TMEM132B: variants seen among roughly 807,000 people sequenced by gnomAD.
TMEM132B encodes transmembrane protein 132B.
Under a neutral mutation model 90.8 loss-of-function variants are expected in TMEM132B, and 18 were observed. The ratio of observed to expected loss-of-function variants is 0.20; its 90% CI spans 0.14 to 0.29. TMEM132B has a LOEUF of 0.29. Ranked by LOEUF, TMEM132B falls within the 10% of genes least tolerant of loss-of-function variation. The pLI is 1.00. For synonymous variants in TMEM132B, 504 were observed against 523.3 expected, an observed-to-expected ratio of 0.96 and a Z score of 0.50; for missense variants, 1,096 against 1,326.8, an observed-to-expected ratio of 0.83 and a Z score of 2.70.
intron 4 of TMEM132B, among the ~76,000 whole-genome samples, chr12:125,527,713 C>A (rs192748458): frequency 0.052 from 7,942 of 151,286 alleles, 610 homozygotes; most frequent in African/African-American, 0.17. Context: ...TCCATCCACC[C>A]ATCCACCCTT....
At chr12:125,373,448 A>G (rs1878365131) in intron 2 of TMEM132B, among the ~76,000 whole-genome samples, 1 of 152,222 alleles carries the variant, frequency 6.6e-6, no homozygotes, top group African/African-American at 2.4e-5. Context: ...GTGAAGACAC[A>G]GGAAGATGAT....
At chr12:125,628,469 T>G (rs1886285484) in intron 5 of TMEM132B, among the ~76,000 whole-genome samples, 1 of 152,208 alleles carries the variant, frequency 6.6e-6, no homozygotes, top group Non-Finnish European at 1.5e-5. Context: ...TATTCAAATA[T>G]TTTGTCCATG....
chr12:125,561,369 CAG>C (rs1323574919), intron 4 of TMEM132B, among the ~76,000 whole-genome samples: 5 of 142,006 alleles, frequency 3.5e-5, no homozygotes, highest in South Asian at 4.3e-4. Context: ...CGGGGCCTGT[CAG>C]GGGGTAGGGG....
At chr12:125,549,741 T>A (rs1884172972) in intron 4 of TMEM132B, among the ~76,000 whole-genome samples, 1 of 152,194 alleles carries the variant, frequency 6.6e-6, no homozygotes, top group African/African-American at 2.4e-5. Flanking sequence ...CTGCAGAAAT[T>A]AAGAATTGCA....
chr12:125,511,619 G>A (rs1222901314), intron 3 of TMEM132B, among the ~76,000 whole-genome samples: 2 of 151,950 alleles, frequency 1.3e-5, no homozygotes, highest in African/African-American at 4.8e-5. Context: ...TTGGGAGGCC[G>A]AGGTGGGCGG....
chr12:125,443,457 T>C (rs1029816123), intron 3 of TMEM132B, among the ~76,000 whole-genome samples: 1 of 152,112 alleles, frequency 6.6e-6, no homozygotes, highest in Non-Finnish European at 1.5e-5. Context: ...GGGAGGGCCT[T>C]GATTTGGTCT....
rs1874327069 is a variant in TMEM132B, at chr12:125,251,993, T to A, written c.67+65127T>A. On this transcript the variant is annotated intron_variant, in intron 1 of 8. Transcript: ENST00000682704. This position sits in a 1 kb window ranked among gnomAD's most constrained non-coding sequence, Gnocchi z 4.4. ...GGAAGGATTTCTAGGGTGCACCAAT[T>A]TCAACCTCCCACCTAACTGGGGAGA... Among the ~76,000 whole-genome samples, 1 of 152,188 alleles carries A rather than the reference T, an allele frequency of 6.6e-6. No individual in the cohort carries two copies. The highest frequency in any genetic ancestry group is 1.9e-4 in the East Asian group (1 of 5,190).
chr12:125,517,350 T>G (rs868758524), intron 3 of TMEM132B, among the ~76,000 whole-genome samples: 22,045 of 100,276 alleles, frequency 0.22, 3,388 homozygotes, highest in Non-Finnish European at 0.26. Context: ...TTTTTTTTTT[T>G]TTTTTTTTTT....
intron 5 of TMEM132B, among the ~76,000 whole-genome samples, chr12:125,589,539 A>G (rs1282022600): frequency 6.6e-6 from 1 of 151,734 alleles, no homozygotes; most frequent in African/African-American, 2.4e-5. Context: ...TTATAAAGAA[A>G]AGAGGTTTAA....
chr12:125,228,851 G>A (rs762355858), intron 1 of TMEM132B, among the ~76,000 whole-genome samples: 1 of 152,182 alleles, frequency 6.6e-6, no homozygotes, highest in Non-Finnish European at 1.5e-5. Context: ...AAGTGGCCAC[G>A]TGACCAGGTG....
rs182533102 is a variant in TMEM132B at position 125,590,691 on chromosome 12, C to T, written c.1437+6697C>T. Among the ~76,000 whole-genome samples the T allele has an allele frequency of 1.6e-3, 248 of 152,282 alleles. 2 individuals are homozygous for T. The highest frequency in any genetic ancestry group is 1.8e-3 in the Non-Finnish European group (124 of 68,024). ...AGGTGTAATGCATATGACTTCTATC[C>T]GTAGGAGCTTACTACAGCTAATGAG... On this transcript the variant is annotated intron_variant, in intron 5 of 8. Coordinates refer to ENST00000682704, the MANE Select transcript of TMEM132B (RefSeq NM_001366854.1).
In TMEM132B at chr12:125,653,944, A is replaced by G; in HGVS notation, c.2486A>G (p.Gln829Arg). ...LSNSIEREGNQERAVQEWFHR... is the reference protein window; with the variant it reads ...LSNSIEREGNRERAVQEWFHR... The stretch of plus-strand genomic sequence containing the variant: ...AATTCCATAGAGCGCGAAGGAAACC[A>G]GGAGAGAGCAGTCCAGGAATGGTTC... Residue 829 changes from glutamine (Q) to arginine (R), a missense_variant, in exon 9 of 9, where the codon CAG (glutamine) becomes CGG (arginine). By Grantham distance (43) the Gln-to-Arg change is conservative. Coordinates refer to ENST00000682704, the MANE Select transcript of TMEM132B (RefSeq NM_001366854.1). 6.2e-7 allele frequency: 1 copy of G among 1,614,230 alleles called. No individual in the cohort carries two copies. Among genetic ancestry groups the G allele is most frequent in the Non-Finnish European group, 8.5e-7 (1 of 1,180,042 alleles).
At chr12:125,328,037 C>A (rs1240077814) in intron 1 of TMEM132B, among the ~76,000 whole-genome samples, 2 of 152,062 alleles carry the variant, frequency 1.3e-5, no homozygotes, top group African/African-American at 4.8e-5. Flanking sequence ...AACAAAGTCA[C>A]CCTGCCCTTG....
intron 1 of TMEM132B, among the ~76,000 whole-genome samples, chr12:125,232,280 C>T (rs566700718): frequency 6.6e-6 from 1 of 152,020 alleles, no homozygotes; most frequent in East Asian, 1.9e-4. Context: ...TGCTTAGATT[C>T]TTTTGTTTAA....
chr12:125,443,190 T>G (rs1880919615), intron 3 of TMEM132B, among the ~76,000 whole-genome samples: 1 of 152,180 alleles, frequency 6.6e-6, no homozygotes, highest in African/African-American at 2.4e-5. Context: ...GAAAGTGGCC[T>G]TCTGTTGGCT....
chr12:125,461,238 C>G (rs370945786), intron 3 of TMEM132B, among the ~76,000 whole-genome samples: 2 of 151,726 alleles, frequency 1.3e-5, no homozygotes, highest in South Asian at 2.1e-4. Context: ...GCATTTGGAG[C>G]CTGTGAGTCT....
chr12:125,194,632 C>T (rs1872885896), intron 1 of TMEM132B, among the ~76,000 whole-genome samples: 1 of 151,016 alleles, frequency 6.6e-6, no homozygotes, highest in South Asian at 2.1e-4. Flanking sequence ...TTTTTCCTTT[C>T]TGTAGTTGTG....
intron 4 of TMEM132B, among the ~76,000 whole-genome samples, chr12:125,541,730 G>C (rs1434642185): frequency 6.6e-6 from 1 of 151,672 alleles, no homozygotes; most frequent in African/African-American, 2.4e-5. Context: ...ACCGAGACCT[G>C]GTGTTTTAAA....
At chr12:125,454,378 G>C (rs114195776) in intron 3 of TMEM132B, among the ~76,000 whole-genome samples, 3 of 137,496 alleles carry the variant, frequency 2.2e-5, no homozygotes, top group African/African-American at 5.7e-5. Flanking sequence ...AGCCAGCCGT[G>C]TGTGTGTGTG....
Sources: gnomAD v4.1 joint callset for allele counts (sites outside exome capture counted in the v4.1 genomes callset) on GRCh38, gnomAD v4.1.1 for gene constraint, Gnocchi (gnomAD v3.1) non-coding constraint, MANE v1.5 for transcripts, NCBI Gene and HGNC (gene_info 2026-07-23, HGNC 2026-07-21) for gene names.